Variants in INO80 observed in about 807,000 individuals in gnomAD.
INO80 encodes INO80 complex ATPase subunit.
A neutral mutation model predicts 203.4 loss-of-function variants in INO80; 20 were observed. The ratio of observed to expected loss-of-function variants is 0.10; its 90% confidence interval spans 0.07 to 0.14. The LOEUF (loss-of-function observed/expected upper bound fraction) is 0.14, where lower values mean the gene tolerates loss of function less well. Among genes scored for constraint, INO80 ranks in the 10% least tolerant of loss-of-function variants. The probability of loss-of-function intolerance (pLI) is 1.00; values close to 1 mark genes in which losing one functional copy is unlikely to be tolerated. For missense variants in INO80, 1,419 were observed against 1,914.4 expected (o/e 0.74, Z 4.83); for synonymous variants, 726 against 685.2 (o/e 1.06, Z -0.93).
chr15:41,113,139 C>T (rs1596336205), intron 1 of INO80, among the ~76,000 whole-genome samples: 2 of 152,066 alleles, frequency 1.3e-5, no homozygotes, highest in African/African-American at 4.8e-5. Context: ...TGATTTCAAA[C>T]TCCTGAGCTC....
At chr15:41,068,930 AGAGAAATGC>A (rs2045267355) in intron 14 of INO80, among the ~76,000 whole-genome samples, 1 of 152,192 alleles carries the variant, frequency 6.6e-6, no homozygotes, top group Non-Finnish European at 1.5e-5. Context: ...TTAAATGAAA[AGAGAAATGC>A]CGTAAATGAT....
intron 1 of INO80, among the ~76,000 whole-genome samples, chr15:41,114,053 G>A (rs1265931323): frequency 6.6e-6 from 1 of 152,116 alleles, no homozygotes; most frequent in Non-Finnish European, 1.5e-5. Context: ...TGGATCACGA[G>A]GTCAGGGGCT....
At chr15:41,027,462 A>T in intron 25 of INO80, 134 bp downstream of exon 25, 1 of 747,780 alleles carries the variant, frequency 1.3e-6, no homozygotes, top group Non-Finnish European at 2.1e-6. Flanking sequence ...CCCACATTTT[A>T]AAATACTAGA....
chr15:41,069,290 C>T (rs562417595), intron 14 of INO80, among the ~76,000 whole-genome samples: 1 of 152,016 alleles, frequency 6.6e-6, no homozygotes, highest in South Asian at 2.1e-4. Context: ...CCTCAGCCTC[C>T]TGAGCAGCTG....
At chr15:41,100,681 C>A (rs1349826068) in intron 1 of INO80, among the ~76,000 whole-genome samples, 1 of 152,138 alleles carries the variant, frequency 6.6e-6, no homozygotes, top group Admixed American at 6.5e-5. Context: ...TCTGGAGAAC[C>A]AAGTTATATT....
At position 41,043,788 on chromosome 15, in the gene INO80, C is replaced by T. The variant is rs114410172; in HGVS notation, c.2907+1116G>A. Among the ~76,000 whole-genome samples the T allele has an allele frequency of 4.5e-3, 689 of 152,276 alleles. 6 individuals carry two copies. Among genetic ancestry groups the T allele is most frequent in the African/African-American group, 0.015 (641 of 41,562 alleles). On this transcript the variant is annotated intron_variant, in intron 24 of 35. Transcript: ENST00000648947. Reference sequence around the variant, plus strand: ...CTCAGAATAAATTCCAAACCCTCAGCAATTCTTATGAGGTTCCATATGACC... The same window carrying T: ...CTCAGAATAAATTCCAAACCCTCAGTAATTCTTATGAGGTTCCATATGACC...
At chr15:41,084,320 G>A (rs1425658890) in intron 7 of INO80, among the ~76,000 whole-genome samples, 2 of 151,968 alleles carry the variant, frequency 1.3e-5, no homozygotes, top group East Asian at 1.9e-4. Context: ...AACACTTTAT[G>A]AGGCGGAGCC....
At chr15:41,075,398 A>G (rs939299838) in intron 9 of INO80, among the ~76,000 whole-genome samples, 1 of 151,788 alleles carries the variant, frequency 6.6e-6, no homozygotes, top group African/African-American at 2.4e-5. Flanking sequence ...TGCTCTCCCA[A>G]GTAGCTGGGA....
At chr15:41,032,218 T>TA (rs1403598013) in intron 24 of INO80, among the ~76,000 whole-genome samples, 1 of 152,310 alleles carries the variant, frequency 6.6e-6, no homozygotes, top group South Asian at 2.1e-4. Context: ...ATGCTTATGT[T>TA]AAAAATTTAG....
intron 24 of INO80, among the ~76,000 whole-genome samples, chr15:41,028,369 C>A (rs2044409343): frequency 6.6e-6 from 1 of 152,168 alleles, no homozygotes; most frequent in African/African-American, 2.4e-5. Context: ...CTCCTGACCT[C>A]AGGTGATCCG....
intron 1 of INO80, among the ~76,000 whole-genome samples, 189 bp downstream of exon 1, chr15:41,115,784 G>A (rs950436623): frequency 6.6e-6 from 1 of 152,190 alleles, no homozygotes; most frequent in Non-Finnish European, 1.5e-5. Flanking sequence ...GAAGGACAAG[G>A]CCCTAGTCCC....
At chr15:41,028,054 G>A (rs910386078) in intron 24 of INO80, among the ~76,000 whole-genome samples, 8 of 152,072 alleles carry the variant, frequency 5.3e-5, no homozygotes, top group African/African-American at 1.7e-4. Context: ...GGAATGTCAG[G>A]GGAAGTTTGG....
intron 1 of INO80, among the ~76,000 whole-genome samples, chr15:41,099,677 G>A (rs1419770459): frequency 6.6e-6 from 1 of 151,860 alleles, no homozygotes; most frequent in African/African-American, 2.4e-5. Context: ...AGCCACTTGG[G>A]AGGCTGAGGA....
At position 41,061,859 on chromosome 15, in the gene INO80, T is replaced by C. The variant is rs567846310; in HGVS notation, c.1783-1933A>G. On this transcript the variant is annotated intron_variant, in intron 14 of 35. Transcript: ENST00000648947. ...GAAAATTAGTGAACTAGATGACAAG[T>C]CAGAAGAAAATATCCAGATTAAAGC... Among the ~76,000 whole-genome samples the C allele has an allele frequency of 2.7e-3, 408 of 152,200 alleles. 3 individuals carry two copies. Among genetic ancestry groups the C allele is most frequent in the South Asian group, 0.013 (61 of 4,822 alleles).
intron 1 of INO80, among the ~76,000 whole-genome samples, chr15:41,097,148 C>A (rs1389871431): frequency 6.6e-6 from 1 of 152,156 alleles, no homozygotes; most frequent in Admixed American, 6.5e-5. Flanking sequence ...GGAGTTCAAG[C>A]AATTCTCCTG....
intron 4 of INO80, among the ~76,000 whole-genome samples, chr15:41,095,139 G>A (rs945767414): frequency 6.6e-6 from 1 of 152,018 alleles, no homozygotes; most frequent in African/African-American, 2.4e-5. Flanking sequence ...AGGAGTTCGA[G>A]ACCAACCTAG....
At chr15:41,025,622 C>T (rs1038986017) in intron 25 of INO80, among the ~76,000 whole-genome samples, 3 of 151,972 alleles carry the variant, frequency 2.0e-5, no homozygotes, top group South Asian at 2.1e-4. Context: ...GGCTGAGGCA[C>T]GATAATTGCT....
intron 24 of INO80, among the ~76,000 whole-genome samples, chr15:41,031,484 A>G (rs2044461524): frequency 9.7e-6 from 1 of 102,840 alleles, no homozygotes; most frequent in Non-Finnish European, 1.9e-5. Context: ...AGAGAAGGAG[A>G]GAGGGAGGGG....
chr15:41,091,585 G>C (rs1260552691), intron 5 of INO80, among the ~76,000 whole-genome samples: 1 of 148,750 alleles, frequency 6.7e-6, no homozygotes, highest in Non-Finnish European at 1.5e-5. Context: ...TGTTCTCATT[G>C]TTCAGCTCCC....
Sources: allele counts gnomAD v4.1 joint callset (sites outside exome capture counted in the v4.1 genomes callset), GRCh38; gene constraint gnomAD v4.1.1; transcripts MANE v1.5; gene names NCBI Gene and HGNC (gene_info 2026-07-23, HGNC 2026-07-21).